The following ECHDC3 variants were observed in gnomAD, a reference collection of about 807,000 sequenced individuals.
The protein encoded by ECHDC3 is enoyl-CoA hydratase domain-containing protein 3, mitochondrial.
Under a neutral mutation model 17.9 loss-of-function variants are expected in ECHDC3, and 20 were observed. The observed-to-expected ratio is 1.12, with a 90% CI of 0.79 to 1.63. ECHDC3 has a LOEUF of 1.63. Among genes scored for constraint, ECHDC3 ranks in the 40% most tolerant of loss-of-function variants. The pLI is 0.00. For synonymous variants in ECHDC3, 177 were observed against 149.7 expected (o/e 1.18, Z -1.33); for missense variants, 407 against 357.7 (o/e 1.14, Z -1.11).
chr10:11,743,013 A>G, intron 1 of ECHDC3: 1 of 328,088 alleles, frequency 3.0e-6, no homozygotes, highest in Non-Finnish European at 5.5e-6. Context: ...AGGCCTGGAG[A>G]GGAGGGCTCT....
rs370206380 is a variant in ECHDC3, at chr10:11,747,433, C to T, written c.255C>T (p.Asp85=). The T allele has an allele frequency of 4.0e-5, 65 of 1,613,922 alleles. No individual in the cohort carries two copies. Among genetic ancestry groups the T allele is most frequent in the Non-Finnish European group, 4.7e-5 (55 of 1,180,012 alleles). The change falls in exon 2 of 5, where the codon GAC becomes GAT. Residue 85 remains aspartate (D), a synonymous_variant. Transcript: ENST00000379215. ...CTCTCCAAAGTGACATTCTTCATGA[C>T]GCTGACAGCAACGATCTGAAAGTCA... ...LKSLQSDILH[D]ADSNDLKVII...
At chr10:11,749,394 A>G in intron 2 of ECHDC3, 101 bp from the exon 3 acceptor site, 1 of 1,067,122 alleles carries the variant, frequency 9.4e-7, no homozygotes, top group East Asian at 2.5e-5. Flanking sequence ...TCTAAGTGAA[A>G]GTTTGCTGAA....
chr10:11,742,924 C>G (rs1832712895), intron 1 of ECHDC3, 178 bp downstream of exon 1: 1 of 662,012 alleles, frequency 1.5e-6, no homozygotes, highest in Non-Finnish European at 2.1e-6. Context: ...GTAGGGCCGT[C>G]GGTGGGACTG....
At chr10:11,746,027 C>T (rs957212487) in intron 1 of ECHDC3, among the ~76,000 whole-genome samples, 1 of 152,062 alleles carries the variant, frequency 6.6e-6, no homozygotes, top group Non-Finnish European at 1.5e-5. Context: ...TTACAGGATG[C>T]CACTGTAAGA....
chr10:11,757,443 T>C (rs1322390744), intron 4 of ECHDC3, among the ~76,000 whole-genome samples: 3 of 152,140 alleles, frequency 2.0e-5, no homozygotes, highest in Non-Finnish European at 4.4e-5. Flanking sequence ...AAACCCCATT[T>C]CATAATCACC....
At chr10:11,757,908 G>A (rs1366270240) in intron 4 of ECHDC3, among the ~76,000 whole-genome samples, 3 of 152,268 alleles carry the variant, frequency 2.0e-5, no homozygotes, top group African/African-American at 2.4e-5. Context: ...CCACCTGCCC[G>A]TTGTCTTTGC....
chr10:11,753,522 T>C (rs753367766), intron 3 of ECHDC3, among the ~76,000 whole-genome samples: 12 of 152,328 alleles, frequency 7.9e-5, no homozygotes, highest in Middle Eastern at 3.4e-3. Flanking sequence ...TCCCAGTCAA[T>C]TGGCTTTTCA....
chr10:11,746,535 C>A (rs1416092352), intron 1 of ECHDC3, among the ~76,000 whole-genome samples: 1 of 152,074 alleles, frequency 6.6e-6, no homozygotes, highest in Non-Finnish European at 1.5e-5. Context: ...GGGATGGATA[C>A]CCCATCTTCC....
At chr10:11,749,616 G>A (rs982260266) in intron 3 of ECHDC3, 24 bp downstream of exon 3, 21 of 1,607,384 alleles carry the variant, frequency 1.3e-5, no homozygotes, top group South Asian at 5.5e-5. Flanking sequence ...ACAGTCGACA[G>A]TGCAAACCTG....
chr10:11,761,059 C>G (rs1166562372), intron 4 of ECHDC3, among the ~76,000 whole-genome samples: 1 of 146,998 alleles, frequency 6.8e-6, no homozygotes, highest in Non-Finnish European at 1.5e-5. Flanking sequence ...CCTGCATCAC[C>G]CGTCCCTGGC....
intron 2 of ECHDC3, 24 bp downstream of exon 2, chr10:11,747,494 A>G: frequency 6.2e-7 from 1 of 1,612,006 alleles, no homozygotes; most frequent in Non-Finnish European, 8.5e-7. Context: ...ATCTGTCCTT[A>G]GTATTCTGCA....
chr10:11,752,691 A>G (rs1234947819), intron 3 of ECHDC3, among the ~76,000 whole-genome samples: 3 of 152,214 alleles, frequency 2.0e-5, no homozygotes, highest in Non-Finnish European at 4.4e-5. Flanking sequence ...TACTTTAGAT[A>G]TGTTAATTTA....
chr10:11,751,983 T>C (rs940979802), intron 3 of ECHDC3, among the ~76,000 whole-genome samples: 2 of 152,236 alleles, frequency 1.3e-5, no homozygotes, highest in African/African-American at 4.8e-5. Context: ...CCCAAAACAG[T>C]ACCTAATTCA....
intron 3 of ECHDC3, among the ~76,000 whole-genome samples, chr10:11,752,923 G>A (rs888323930): frequency 5.9e-5 from 9 of 152,146 alleles, no homozygotes; most frequent in Non-Finnish European, 8.8e-5. Flanking sequence ...CATCCTAGTC[G>A]ATGTAGTTTA....
At chr10:11,759,942 G>A (rs1832929035) in intron 4 of ECHDC3, among the ~76,000 whole-genome samples, 1 of 152,196 alleles carries the variant, frequency 6.6e-6, no homozygotes, top group Non-Finnish European at 1.5e-5. Flanking sequence ...AAACTCCAAG[G>A]CGTTAGTTGA....
At position 11,755,437 on chromosome 10, in the gene ECHDC3, T is replaced by C. The variant is rs7899215; in HGVS notation, c.420T>C (p.Val140=). The C allele has an allele frequency of 0.99, 1,596,432 of 1,613,856 alleles. 791,083 individuals are homozygous for C. The highest frequency in any genetic ancestry group is 1 in the East Asian group (44,859 of 44,860). Residue 140 remains valine (V), a synonymous_variant, in exon 4 of 5, where the codon GTT becomes GTC. Coordinates refer to ENST00000379215, the MANE Select transcript of ECHDC3 (RefSeq NM_024693.5). ...KVMMHIRNHP[V]PVIAMVNGLA... is the part of the protein sequence containing the mutation. Reference sequence around the variant, plus strand: ...TGATGCACATCCGGAACCACCCCGTTCCCGTCATTGCCATGGTCAATGGCC... The same window carrying C: ...TGATGCACATCCGGAACCACCCCGTCCCCGTCATTGCCATGGTCAATGGCC...
At chr10:11,751,713 G>GTA (rs1491444407) in intron 3 of ECHDC3, among the ~76,000 whole-genome samples, 1 of 152,182 alleles carries the variant, frequency 6.6e-6, no homozygotes, top group Admixed American at 6.5e-5. Flanking sequence ...GAAGAACTTG[G>GTA]CTCTGGAAGA....
chr10:11,761,120 G>A (rs1321426832), intron 4 of ECHDC3, among the ~76,000 whole-genome samples: 3 of 152,202 alleles, frequency 2.0e-5, no homozygotes, highest in African/African-American at 7.2e-5. Context: ...GGCAGGAGGG[G>A]CCTTGGGCCA....
intron 2 of ECHDC3, among the ~76,000 whole-genome samples, chr10:11,748,552 C>T (rs1832787174): frequency 6.6e-6 from 1 of 151,994 alleles, no homozygotes; most frequent in Admixed American, 6.6e-5. Flanking sequence ...TACATAATTA[C>T]CTCACTTACA....
Sources: gnomAD v4.1 joint callset for allele counts (sites outside exome capture counted in the v4.1 genomes callset) on GRCh38, gnomAD v4.1.1 for gene constraint, MANE v1.5 for transcripts, NCBI Gene and HGNC (gene_info 2026-07-23, HGNC 2026-07-21) for gene names.